PHACTR4: variants seen among roughly 807,000 people sequenced by gnomAD.
The protein encoded by PHACTR4 is protein phosphatase 1, regulatory subunit 124.
Under a neutral mutation model 72.7 loss-of-function variants are expected in PHACTR4, and 51 were observed. The ratio of observed to expected loss-of-function variants is 0.70; its 90% CI spans 0.56 to 0.89. The LOEUF is 0.89. PHACTR4 is among the 40% of genes least tolerant of loss of function. PHACTR4 has a pLI of 0.00. For synonymous variants in PHACTR4, 255 were observed against 302.5 expected (o/e 0.84, Z 1.63); for missense variants, 731 against 861.8 (o/e 0.85, Z 1.90).
intron 2 of PHACTR4, among the ~76,000 whole-genome samples, chr1:28,447,684 A>G (rs1047161142): frequency 6.6e-6 from 1 of 152,098 alleles, no homozygotes; most frequent in Non-Finnish European, 1.5e-5. Context: ...TTGTCAGAAC[A>G]GTGTGCACAT....
At chr1:28,371,766 T>A (rs1052808628) in intron 1 of PHACTR4, among the ~76,000 whole-genome samples, 1 of 151,946 alleles carries the variant, frequency 6.6e-6, no homozygotes, top group Non-Finnish European at 1.5e-5. Flanking sequence ...ATTAAAAAAA[T>A]TTTTAAAAAA....
chr1:28,377,293 C>G (rs1651758438), intron 1 of PHACTR4, among the ~76,000 whole-genome samples: 1 of 143,214 alleles, frequency 7.0e-6, no homozygotes, highest in Non-Finnish European at 1.5e-5. Context: ...GGCTGGAGTG[C>G]AGTGGCGTGA....
chr1:28,487,727 G>GTTTT lies in PHACTR4; in HGVS notation c.1761-1420_1761-1417dup, dbSNP rs780028378. ...AAATGACAAATTGTAGTTTTTTGTT[G>GTTTT]TTTTTTTTTTTTTTTTTTTTTTTTT... is the stretch of plus-strand genomic sequence containing the variant. On this transcript the variant is annotated intron_variant, in intron 9 of 13. Transcript: ENST00000373839. 5.8e-4 allele frequency among the ~76,000 whole-genome samples: 37 copies of GTTTT among 63,308 alleles called. 1 individual carries two copies. Among genetic ancestry groups the GTTTT allele is most frequent in the African/African-American group, 1.5e-3 (27 of 17,970 alleles). 41.5% of individuals were successfully genotyped at this position (63,308 alleles called of 152,430 possible).
At chr1:28,390,538 C>G (rs1171331398) in intron 1 of PHACTR4, among the ~76,000 whole-genome samples, 1 of 151,750 alleles carries the variant, frequency 6.6e-6, no homozygotes, top group Admixed American at 6.6e-5. Flanking sequence ...GCCTGTAATC[C>G]CAGCACTTTG....
Position 28,474,108 on chromosome 1 carries a change from G to A in PHACTR4, c.1378G>A (p.Gly460Ser). Reference protein sequence around the residue: ...DSFSEDSSTLGRTRSLPITIE... With the variant: ...DSFSEDSSTLSRTRSLPITIE... ...CTTTTCTGAGGACAGCAGTACGCTGGGTCGGACCAGGTCTCTTCCCATCAC... is the reference window on the plus strand; with the variant it reads ...CTTTTCTGAGGACAGCAGTACGCTGAGTCGGACCAGGTCTCTTCCCATCAC... The change falls in exon 7 of 14, where the codon GGT becomes AGT. Residue 460 changes from glycine to serine, a missense_variant. Physicochemically the swap from Gly to Ser is moderately conservative, Grantham distance 56 (BLOSUM62 0). Transcript: ENST00000373839. 6.2e-7 allele frequency: 1 copy of A among 1,613,930 alleles called. No individual in the cohort carries two copies. Among genetic ancestry groups the A allele is most frequent in the Non-Finnish European group, 8.5e-7 (1 of 1,179,920 alleles).
rs1658597633 is a variant in PHACTR4 at position 28,458,889 on chromosome 1, T to C, written c.17-196T>C. Among the ~76,000 whole-genome samples, 3 of 152,348 alleles carry C rather than the reference T, an allele frequency of 2.0e-5. 1 individual carries two copies. In the South Asian group the frequency reaches 6.2e-4, roughly 32 times the overall value. On this transcript the variant is annotated intron_variant, in intron 2 of 13. Coordinates refer to ENST00000373839, the MANE Select transcript of PHACTR4 (RefSeq NM_001048183.3). Reference sequence around the variant, plus strand: ...GTCAGCTTGGTTTGGTTCCTTTTTCTCCTTAGTAGTTTATCTGTTAATGGA... The same window carrying C: ...GTCAGCTTGGTTTGGTTCCTTTTTCCCCTTAGTAGTTTATCTGTTAATGGA...
chr1:28,470,303 G>A (rs1659481578), intron 6 of PHACTR4, among the ~76,000 whole-genome samples: 1 of 151,978 alleles, frequency 6.6e-6, no homozygotes, highest in Non-Finnish European at 1.5e-5. Flanking sequence ...TGAGGTAAGA[G>A]GATTGGGTAA....
intron 1 of PHACTR4, among the ~76,000 whole-genome samples, chr1:28,393,560 G>A (rs530822558): frequency 5.9e-5 from 9 of 152,118 alleles, no homozygotes; most frequent in Admixed American, 5.9e-4. Context: ...ACCTGTGCTG[G>A]CAGTCATATA....
At chr1:28,396,128 AGT>A (rs925922025) in intron 1 of PHACTR4, among the ~76,000 whole-genome samples, 2 of 152,004 alleles carry the variant, frequency 1.3e-5, no homozygotes, top group African/African-American at 4.8e-5. Flanking sequence ...TTCTCTGCTA[AGT>A]GTAACAAAAA....
chr1:28,383,589 G>GGTATTTGTGTGTGT (rs1553182764), intron 1 of PHACTR4, among the ~76,000 whole-genome samples: 1 of 152,004 alleles, frequency 6.6e-6, no homozygotes, highest in African/African-American at 2.4e-5. Context: ...TGTATTCCTA[G>GGTATTTGTGTGTGT]GTATTTGTGT....
At position 28,490,977 on chromosome 1, in the gene PHACTR4, G is replaced by C. The variant is rs1661002600; in HGVS notation, c.1843G>C (p.Glu615Gln). ...TAAAAATGAAGCTGATCGTCAGGCA[G>C]AAAAACGAGAAATTAAACGTCGGCT... ...QPKNEADRQA[E>Q]KREIKRRLTR... Residue 615 changes from glutamate to glutamine, a missense_variant, in exon 11 of 14, where the codon GAA becomes CAA. This residue lies in a region of PHACTR4 where 110 missense variants were observed against 185.2 expected (regional missense o/e 0.59). Coordinates refer to ENST00000373839, the MANE Select transcript of PHACTR4 (RefSeq NM_001048183.3). The C allele has an allele frequency of 6.2e-7, 1 of 1,613,950 alleles. No homozygotes were observed. The highest frequency in any genetic ancestry group is 1.3e-5 in the African/African-American group (1 of 74,928).
chr1:28,413,268 T>C (rs531367374), intron 2 of PHACTR4, among the ~76,000 whole-genome samples: 24 of 152,174 alleles, frequency 1.6e-4, no homozygotes, highest in Non-Finnish European at 3.4e-4. Flanking sequence ...GTTCTTAGCT[T>C]TAAAAAGGAT....
chr1:28,385,136 T>C lies in PHACTR4; in HGVS notation c.-39+15311T>C, dbSNP rs953292216. On this transcript the variant is annotated intron_variant, in intron 1 of 13. Transcript: ENST00000373839. ...TGATGTGGATACTTAGTGCTCTAAA[T>C]ATCCCTCTTAACACTGCCTTAGCTG... Among the ~76,000 whole-genome samples, 3 of 152,214 alleles carry C rather than the reference T, an allele frequency of 2.0e-5. No homozygotes were observed. The East Asian group carries it at 5.8e-4, about 29-fold the overall frequency.
chr1:28,373,806 C>T (rs1403394555), intron 1 of PHACTR4, among the ~76,000 whole-genome samples: 5 of 152,126 alleles, frequency 3.3e-5, no homozygotes, highest in Admixed American at 3.3e-4. Context: ...GGTTGTTACT[C>T]TCATTTTACA....
chr1:28,430,936 G>T (rs1656213006), intron 2 of PHACTR4, among the ~76,000 whole-genome samples: 1 of 152,110 alleles, frequency 6.6e-6, no homozygotes, highest in African/African-American at 2.4e-5. Context: ...CCAGCACTTT[G>T]GGAGGCCGAG....
At chr1:28,442,322 A>G (rs1657096891) in intron 2 of PHACTR4, among the ~76,000 whole-genome samples, 2 of 151,688 alleles carry the variant, frequency 1.3e-5, no homozygotes, top group Admixed American at 1.3e-4. Context: ...AAATTAGCTG[A>G]GCATGGTGGC....
chr1:28,483,798 CAAAAAAAA>C (rs991081654), intron 9 of PHACTR4, among the ~76,000 whole-genome samples: 4 of 71,010 alleles, frequency 5.6e-5, no homozygotes, highest in African/African-American at 1.9e-4. Context: ...GACTCCGTCT[CAAAAAAAA>C]AAAAAAAAAA....
At chr1:28,457,813 T>C (rs1658499450) in intron 2 of PHACTR4, 2 of 984,936 alleles carry the variant, frequency 2.0e-6, no homozygotes, top group South Asian at 4.7e-5. Context: ...CACATGACTC[T>C]TTTTTTCTTC....
intron 4 of PHACTR4, among the ~76,000 whole-genome samples, chr1:28,464,232 T>C (rs1212508496): frequency 3.3e-5 from 5 of 152,108 alleles, no homozygotes; most frequent in African/African-American, 1.2e-4. Flanking sequence ...TCCCAGAGTG[T>C]TGGGATTACA....
Sources: gnomAD v4.1 joint callset for allele counts (sites outside exome capture counted in the v4.1 genomes callset) on GRCh38, gnomAD v4.1.1 for gene constraint, gnomAD v4.1.1 regional missense constraint, MANE v1.5 for transcripts, NCBI Gene and HGNC (gene_info 2026-07-23, HGNC 2026-07-21) for gene names.